The following INPP5A variants were observed in gnomAD, a reference collection of about 807,000 sequenced individuals.
INPP5A encodes 43 kDa inositol polyphosphate 5-phophatase.
A neutral mutation model predicts 65.2 loss-of-function variants in INPP5A; 14 were observed. That is an observed-to-expected ratio of 0.21 (90% CI 0.14 to 0.34). The LOEUF (loss-of-function observed/expected upper bound fraction) is 0.34. INPP5A is among the 10% of genes least tolerant of loss of function. The pLI is 1.00. For missense variants in INPP5A, 431 were observed against 545.6 expected (o/e 0.79, Z 2.09); for synonymous variants, 207 against 208.3 (o/e 0.99, Z 0.05).
intron 12 of INPP5A, among the ~76,000 whole-genome samples, chr10:132,776,315 G>A (rs187190991): frequency 1.1e-4 from 17 of 152,244 alleles, no homozygotes; most frequent in South Asian, 4.1e-4. Context: ...GCTGGAGCGC[G>A]CGGAGGATGG....
At chr10:132,634,822 A>C (rs999083767) in intron 2 of INPP5A, among the ~76,000 whole-genome samples, 58 of 152,306 alleles carry the variant, frequency 3.8e-4, no homozygotes, top group Middle Eastern at 3.4e-3. Context: ...CTCGGCCGGC[A>C]GCCCTGCCTG....
intron 9 of INPP5A, among the ~76,000 whole-genome samples, chr10:132,728,898 G>A (rs1222950326): frequency 6.6e-6 from 1 of 152,216 alleles, no homozygotes; most frequent in African/African-American, 2.4e-5. Flanking sequence ...GGCGTCGGGG[G>A]CAGTGGGAAG....
chr10:132,664,295 G>A (rs1027656427), intron 4 of INPP5A, among the ~76,000 whole-genome samples: 5 of 152,216 alleles, frequency 3.3e-5, no homozygotes, highest in African/African-American at 9.6e-5. Flanking sequence ...GAAGGAGACC[G>A]AAGGAAACTG....
At chr10:132,553,469 A>G (rs544121923) in intron 1 of INPP5A, among the ~76,000 whole-genome samples, 34 of 107,052 alleles carry the variant, frequency 3.2e-4, no homozygotes, top group East Asian at 6.6e-4. Context: ...TGGAATATTG[A>G]GTAGGATAGG....
chr10:132,781,796 G>GGGA, intron 14 of INPP5A, 65 bp from the exon 15 acceptor site: 1 of 1,338,322 alleles, frequency 7.5e-7, no homozygotes, highest in Non-Finnish European at 1.1e-6. Context: ...GCAACGGGAG[G>GGGA]CGGCGGCATG....
In INPP5A at chr10:132,727,512, T is replaced by C. The variant is rs1846007066; in HGVS notation, c.732+607T>C. Among the ~76,000 whole-genome samples, 1 of 151,238 alleles carries C rather than the reference T, an allele frequency of 6.6e-6. No homozygotes were observed. The highest frequency in any genetic ancestry group is 1.5e-5 in the Non-Finnish European group (1 of 67,780). ...GCGCCGAGGTGCCACCGACAGGAAG[T>C]GGGCCTCTAGGCTCAGTGCAAGGGC... On this transcript the variant is annotated intron_variant, in intron 9 of 15. Coordinates refer to ENST00000368594, the MANE Select transcript of INPP5A (RefSeq NM_005539.5). This position sits in a 1 kb window ranked among gnomAD's most constrained non-coding sequence, Gnocchi z 6.5.
chr10:132,596,966 T>G (rs1238333493), intron 1 of INPP5A, among the ~76,000 whole-genome samples: 1 of 150,626 alleles, frequency 6.6e-6, no homozygotes, highest in Admixed American at 6.6e-5. Context: ...CATGTGTGCG[T>G]GTGTGCATGC....
At chr10:132,688,741 AGT>A (rs778357281) in intron 4 of INPP5A, among the ~76,000 whole-genome samples, 21 of 151,114 alleles carry the variant, frequency 1.4e-4, no homozygotes, top group Admixed American at 5.3e-4. Flanking sequence ...AATGTGTGCA[AGT>A]GTGTGAGCAA....
intron 1 of INPP5A, among the ~76,000 whole-genome samples, chr10:132,557,748 A>T (rs569803879): frequency 6.6e-6 from 1 of 152,252 alleles, no homozygotes; most frequent in East Asian, 1.9e-4. Flanking sequence ...CAGGGAGGTG[A>T]GTCCTGGAGG....
At chr10:132,713,163 CGGGTGTGTGT>C (rs1011623763) in intron 8 of INPP5A, among the ~76,000 whole-genome samples, 1 of 148,170 alleles carries the variant, frequency 6.7e-6, no homozygotes, top group African/African-American at 2.5e-5. Context: ...TGTGTGTGTG[CGGGTGTGTGT>C]GCATTTGTGG....
intron 2 of INPP5A, among the ~76,000 whole-genome samples, chr10:132,609,530 G>A (rs1466829702): frequency 6.6e-6 from 1 of 152,212 alleles, no homozygotes; most frequent in South Asian, 2.1e-4. Flanking sequence ...GAATGTTTAG[G>A]TGTGTGTGAC....
intron 1 of INPP5A, among the ~76,000 whole-genome samples, chr10:132,571,362 G>A (rs1054583255): frequency 5.9e-5 from 9 of 152,178 alleles, no homozygotes; most frequent in African/African-American, 1.9e-4. Flanking sequence ...CTGGCACGCC[G>A]GGCTCTGCCA....
chr10:132,678,404 G>C lies in INPP5A; in HGVS notation c.307-11988G>C, dbSNP rs751590496. ...TTTGCTTTGATTTATTACTCAATCT[G>C]TTAAATTGTTTCAAAACAAGGTGTC... On this transcript the variant is annotated intron_variant, in intron 4 of 15. Coordinates refer to ENST00000368594, the MANE Select transcript of INPP5A (RefSeq NM_005539.5). This position sits in a 1 kb window ranked among gnomAD's most constrained non-coding sequence, Gnocchi z 4.1. 9.9e-5 allele frequency among the ~76,000 whole-genome samples: 15 copies of C among 152,162 alleles called. No homozygotes were observed. Among genetic ancestry groups the C allele is most frequent in the Non-Finnish European group, 2.1e-4 (14 of 68,026 alleles).
rs1227822712 is a variant in INPP5A at position 132,707,743 on chromosome 10, T to C, written c.475-570T>C. 6.6e-6 allele frequency among the ~76,000 whole-genome samples: 1 copy of C among 152,224 alleles called. No individual in the cohort carries two copies. Among genetic ancestry groups the C allele is most frequent in the Non-Finnish European group, 1.5e-5 (1 of 68,036 alleles). On this transcript the variant is annotated intron_variant, in intron 6 of 15. Coordinates refer to ENST00000368594, the MANE Select transcript of INPP5A (RefSeq NM_005539.5). This position sits in a 1 kb window ranked among gnomAD's most constrained non-coding sequence, Gnocchi z 5.5. ...TACTTTTAGACCAGAGCTCAGGCTC[T>C]ACGTTCGGTGGCTCTGCTAGGTGGT...
chr10:132,721,027 G>T lies in INPP5A; in HGVS notation c.648-5794G>T, dbSNP rs189287304. On this transcript the variant is annotated intron_variant, in intron 8 of 15. Coordinates refer to ENST00000368594, the MANE Select transcript of INPP5A (RefSeq NM_005539.5). ...CTTAGACGACTGTCTTCAGGGTTCTGTGGTACCTGGGTTCTGTCTGGGGGC... is the reference window on the plus strand; with the variant it reads ...CTTAGACGACTGTCTTCAGGGTTCTTTGGTACCTGGGTTCTGTCTGGGGGC... 1.3e-3 allele frequency among the ~76,000 whole-genome samples: 196 copies of T among 150,458 alleles called. 4 individuals carry two copies. The highest frequency in any genetic ancestry group is 4.6e-3 in the African/African-American group (188 of 40,768).
chr10:132,608,056 G>T, intron 2 of INPP5A, 100 bp downstream of exon 2: 1 of 1,086,034 alleles, frequency 9.2e-7, no homozygotes, highest in South Asian at 1.2e-5. Context: ...TGTCTATGGG[G>T]AGCGCAGGCC....
rs55853832 is a variant in INPP5A, at chr10:132,755,596, A to C, written c.903+5751A>C. On this transcript the variant is annotated intron_variant, in intron 11 of 15. Transcript: ENST00000368594. The stretch of plus-strand genomic sequence containing the variant: ...TGTGAGCGAGTGTGTGTGAGCAGGC[A>C]TATGCATATGAGTGAGTGGGTGTGT... Among the ~76,000 whole-genome samples the C allele has an allele frequency of 1.6e-3, 236 of 146,410 alleles. 3 individuals carry two copies. Among genetic ancestry groups the C allele is most frequent in the African/African-American group, 5.2e-3 (204 of 39,306 alleles).
At chr10:132,719,841 G>C (rs1414912238) in intron 8 of INPP5A, among the ~76,000 whole-genome samples, 1 of 150,322 alleles carries the variant, frequency 6.7e-6, no homozygotes, top group Admixed American at 6.6e-5. Flanking sequence ...ACTGTCTTCA[G>C]GGTTCTGTGG....
intron 1 of INPP5A, among the ~76,000 whole-genome samples, chr10:132,563,940 A>C (rs1271734633): frequency 6.6e-6 from 1 of 152,188 alleles, no homozygotes. Flanking sequence ...GAGTCAGGGC[A>C]GAGCGGGAGC....
Sources: gnomAD v4.1 joint callset for allele counts (sites outside exome capture counted in the v4.1 genomes callset) on GRCh38, gnomAD v4.1.1 for gene constraint, Gnocchi (gnomAD v3.1) non-coding constraint, MANE v1.5 for transcripts, NCBI Gene and HGNC (gene_info 2026-07-23, HGNC 2026-07-21) for gene names.